SENP7: variants seen among roughly 807,000 people sequenced by gnomAD.
SENP7 encodes SUMO specific peptidase 7.
SENP7 carries 64 observed loss-of-function variants against 141.2 expected under a neutral mutation model. That is an observed-to-expected ratio of 0.45 (90% CI 0.37 to 0.56). The LOEUF is 0.56. SENP7 is among the 20% of genes least tolerant of loss of function. The pLI is 0.00. For missense variants in SENP7, 1,025 were observed against 1,212.2 expected (o/e 0.85, Z 2.29); for synonymous variants, 382 against 426.4 (o/e 0.90, Z 1.28).
chr3:101,337,640 T>C lies in SENP7; in HGVS notation c.2358-9A>G, dbSNP rs760117812. 5.2e-6 allele frequency: 8 copies of C among 1,552,120 alleles called. No individual in the cohort carries two copies. In the African/African-American group the frequency reaches 1.1e-4, roughly 22 times the overall value. The stretch of plus-strand genomic sequence containing the variant: ...TCTCCAATATAAGATACCTGTAAAG[T>C]AGTAACCCCACAAAAGTAAATTATT... On this transcript the variant is annotated splice_polypyrimidine_tract_variant and intron_variant, in intron 16 of 23. Transcript: ENST00000394095.
chr3:101,442,575 C>G (rs921327133), intron 4 of SENP7, among the ~76,000 whole-genome samples: 2 of 152,044 alleles, frequency 1.3e-5, no homozygotes, highest in Non-Finnish European at 2.9e-5. Flanking sequence ...GTCCATGGCT[C>G]CAGGGGTTGG....
intron 3 of SENP7, among the ~76,000 whole-genome samples, chr3:101,471,817 C>A (rs1426727964): frequency 1.3e-5 from 2 of 152,076 alleles, no homozygotes; most frequent in African/African-American, 4.8e-5. Context: ...AAACAAACAA[C>A]CCCCTCATCA....
At chr3:101,429,790 A>G (rs1462847485) in intron 4 of SENP7, among the ~76,000 whole-genome samples, 3 of 152,168 alleles carry the variant, frequency 2.0e-5, no homozygotes, top group Non-Finnish European at 4.4e-5. Context: ...GAATGCTTCC[A>G]GTTTTTGCCC....
chr3:101,382,316 A>G (rs958820401), intron 6 of SENP7, among the ~76,000 whole-genome samples: 2 of 152,056 alleles, frequency 1.3e-5, no homozygotes, highest in Non-Finnish European at 2.9e-5. Flanking sequence ...AGATAGGACT[A>G]CAGGCACACA....
At chr3:101,457,307 A>C (rs1008317350) in intron 4 of SENP7, 3 of 1,460,664 alleles carry the variant, frequency 2.1e-6, no homozygotes, top group African/African-American at 1.4e-5. Flanking sequence ...CATCATCATC[A>C]TCCTCCCCAG....
At chr3:101,390,834 T>C (rs7642168) in intron 6 of SENP7, among the ~76,000 whole-genome samples, 60,379 of 152,050 alleles carry the variant, frequency 0.4, 12,508 homozygotes, top group Admixed American at 0.54. Flanking sequence ...TTCTCCAGGA[T>C]AGACCATATG....
chr3:101,375,924 C>T (rs766473189), intron 6 of SENP7, among the ~76,000 whole-genome samples: 1 of 152,020 alleles, frequency 6.6e-6, no homozygotes, highest in Non-Finnish European at 1.5e-5. Flanking sequence ...GACAAATTCA[C>T]AGAGACAGAA....
At chr3:101,389,985 T>C (rs778614978) in intron 6 of SENP7, among the ~76,000 whole-genome samples, 9 of 151,998 alleles carry the variant, frequency 5.9e-5, no homozygotes, top group Non-Finnish European at 8.8e-5. Context: ...TTTGGGAGGC[T>C]GAGGCGGGTG....
intron 1 of SENP7, among the ~76,000 whole-genome samples, chr3:101,502,188 T>C (rs978623142): frequency 6.6e-6 from 1 of 152,226 alleles, no homozygotes; most frequent in Admixed American, 6.5e-5. Context: ...GATGACTGGG[T>C]GTTCACACGC....
At chr3:101,381,239 T>C (rs549138116) in intron 6 of SENP7, among the ~76,000 whole-genome samples, 15 of 152,310 alleles carry the variant, frequency 9.8e-5, no homozygotes, top group Non-Finnish European at 1.8e-4. Flanking sequence ...CTTAAATGCA[T>C]CTCATATATA....
intron 5 of SENP7, among the ~76,000 whole-genome samples, chr3:101,400,013 G>A (rs1305541726): frequency 6.6e-6 from 1 of 152,164 alleles, no homozygotes; most frequent in Admixed American, 6.5e-5. Flanking sequence ...TTAAACAGAA[G>A]ATGTACATTT....
chr3:101,371,555 G>C (rs2060181787), intron 7 of SENP7, among the ~76,000 whole-genome samples: 2 of 152,112 alleles, frequency 1.3e-5, no homozygotes, highest in South Asian at 4.1e-4. Context: ...CACAAGTCTA[G>C]GAAGTATTTA....
At chr3:101,422,079 C>T (rs143393060) in intron 4 of SENP7, among the ~76,000 whole-genome samples, 1 of 152,304 alleles carries the variant, frequency 6.6e-6, no homozygotes, top group Non-Finnish European at 1.5e-5. Context: ...ACCGCCTGAG[C>T]TCTGCCTCCT....
chr3:101,412,292 T>C (rs536741509), intron 5 of SENP7, among the ~76,000 whole-genome samples: 1 of 152,132 alleles, frequency 6.6e-6, no homozygotes, highest in Non-Finnish European at 1.5e-5. Context: ...CATAACTCTA[T>C]GCTTGTCCCA....
At chr3:101,499,703 T>C (rs927710390) in intron 2 of SENP7, among the ~76,000 whole-genome samples, 1 of 152,070 alleles carries the variant, frequency 6.6e-6, no homozygotes, top group African/African-American at 2.4e-5. Flanking sequence ...ACCCCGCTAA[T>C]TTTTGGTATT....
intron 6 of SENP7, among the ~76,000 whole-genome samples, chr3:101,375,753 T>G (rs899772435): frequency 6.6e-6 from 1 of 151,914 alleles, no homozygotes; most frequent in Non-Finnish European, 1.5e-5. Context: ...AAAAACAAAA[T>G]GTGGTATATT....
intron 7 of SENP7, 49 bp from the exon 8 acceptor site, chr3:101,368,060 ATC>A: frequency 6.9e-7 from 1 of 1,451,848 alleles, no homozygotes. Flanking sequence ...TATAGAGAGA[ATC>A]TCTTTTAGAA....
chr3:101,343,539 T>A lies in SENP7; in HGVS notation c.2106+147A>T, dbSNP rs1169207698. ...TCATTATTGATTTTGTTTAACAAATTGTTCCAGCATTGGCAACGGGAGTTC... is the reference window on the plus strand; with the variant it reads ...TCATTATTGATTTTGTTTAACAAATAGTTCCAGCATTGGCAACGGGAGTTC... On this transcript the variant is annotated intron_variant, in intron 14 of 23. Coordinates refer to ENST00000394095, the MANE Select transcript of SENP7 (RefSeq NM_020654.5). 5 of 609,066 alleles carry A rather than the reference T, an allele frequency of 8.2e-6. No individual in the cohort carries two copies. The Admixed American group carries it at 1.2e-4, about 14-fold the overall frequency. 37.7% of individuals were successfully genotyped at this position (609,066 alleles called of 1,614,324 possible). A position where few individuals can be genotyped will look rare whatever the true frequency, so the allele number is the denominator to read the frequency against.
chr3:101,380,445 C>CCCCCCACACACA (rs58844573), intron 6 of SENP7, among the ~76,000 whole-genome samples: 1 of 128,826 alleles, frequency 7.8e-6, no homozygotes. Flanking sequence ...GCCCCCCCCC[C>CCCCCCACACACA]CACACACACA....
Sources: gnomAD v4.1 joint callset for allele counts (sites outside exome capture counted in the v4.1 genomes callset) on GRCh38, gnomAD v4.1.1 for gene constraint, MANE v1.5 for transcripts, NCBI Gene and HGNC (gene_info 2026-07-23, HGNC 2026-07-21) for gene names.